The following ZNF366 variants were observed in gnomAD, a reference collection of about 807,000 sequenced individuals.
ZNF366 encodes dendritic cell-specific transcript protein.
A neutral mutation model predicts 47.2 loss-of-function variants in ZNF366; 20 were observed. That is an observed-to-expected ratio of 0.42 (90% CI 0.30 to 0.62). The LOEUF (loss-of-function observed/expected upper bound fraction) is 0.62. ZNF366 is among the 20% of genes least tolerant of loss of function. The pLI, the probability that ZNF366 is intolerant of heterozygous loss-of-function variation, is 0.16. For synonymous variants in ZNF366, 421 were observed against 395.1 expected, an observed-to-expected ratio of 1.07 and a Z score of -0.78; for missense variants, 987 against 976.3, an observed-to-expected ratio of 1.01 and a Z score of -0.15.
At chr5:72,447,151 A>G in intron 4 of ZNF366, 92 bp downstream of exon 4, 1 of 1,435,496 alleles carries the variant, frequency 7.0e-7, no homozygotes, top group Non-Finnish European at 9.6e-7. Context: ...CTTGACAAGA[A>G]TAACCCTCAA....
At chr5:72,477,862 A>G (rs899903177) in intron 1 of ZNF366, among the ~76,000 whole-genome samples, 2 of 152,104 alleles carry the variant, frequency 1.3e-5, no homozygotes, top group African/African-American at 4.8e-5. Flanking sequence ...GTTTTAATAA[A>G]ACTTTATTTA....
chr5:72,474,462 C>G (rs1743631227), intron 1 of ZNF366, among the ~76,000 whole-genome samples: 1 of 152,132 alleles, frequency 6.6e-6, no homozygotes, highest in South Asian at 2.1e-4. Flanking sequence ...ATATCTTGGA[C>G]AGGTTTGTAT....
intron 1 of ZNF366, among the ~76,000 whole-genome samples, chr5:72,462,336 T>C (rs535291841): frequency 6.6e-6 from 1 of 152,160 alleles, no homozygotes; most frequent in Non-Finnish European, 1.5e-5. Flanking sequence ...GGGTCTCTCC[T>C]TTCAGACAGG....
At chr5:72,444,623 ACAGT>A (rs1742925722) in intron 4 of ZNF366, among the ~76,000 whole-genome samples, 1 of 151,130 alleles carries the variant, frequency 6.6e-6, no homozygotes, top group Non-Finnish European at 1.5e-5. Flanking sequence ...TTTTTTTATC[ACAGT>A]CAAACAATGA....
At chr5:72,480,931 C>T (rs190944554) in intron 1 of ZNF366, among the ~76,000 whole-genome samples, 2 of 152,270 alleles carry the variant, frequency 1.3e-5, no homozygotes, top group East Asian at 3.9e-4. Flanking sequence ...TTAAGAGCCC[C>T]TGTATATCGT....
At chr5:72,494,340 A>C (rs1438646818) in intron 1 of ZNF366, 1 of 152,210 alleles carries the variant, frequency 6.6e-6, no homozygotes, top group East Asian at 1.9e-4. Context: ...AGTATCTGAG[A>C]GAATTAATGT....
chr5:72,461,599 A>G (rs1743315029), intron 1 of ZNF366, 89 bp from the exon 2 acceptor site: 1 of 1,473,192 alleles, frequency 6.8e-7, no homozygotes, highest in South Asian at 1.4e-5. Flanking sequence ...TATCAGTACT[A>G]ATTTATGAAG....
chr5:72,466,751 C>T (rs141378538), intron 1 of ZNF366, among the ~76,000 whole-genome samples: 168 of 152,288 alleles, frequency 1.1e-3, no homozygotes, highest in African/African-American at 3.9e-3. Context: ...CGATATTTCC[C>T]TAATGAAATC....
At chr5:72,488,564 A>G (rs1227883242) in intron 1 of ZNF366, among the ~76,000 whole-genome samples, 1 of 152,250 alleles carries the variant, frequency 6.6e-6, no homozygotes, top group Non-Finnish European at 1.5e-5. Flanking sequence ...GTTCAAAGAT[A>G]CCGCTTCTTT....
chr5:72,490,995 T>A (rs913467866), intron 1 of ZNF366, among the ~76,000 whole-genome samples: 1 of 152,184 alleles, frequency 6.6e-6, no homozygotes, highest in Non-Finnish European at 1.5e-5. Context: ...GGACTCTGAG[T>A]CCGAAGAAGA....
At chr5:72,480,270 G>C (rs1743765996) in intron 1 of ZNF366, among the ~76,000 whole-genome samples, 1 of 152,224 alleles carries the variant, frequency 6.6e-6, no homozygotes, top group African/African-American at 2.4e-5. Flanking sequence ...GGCCTATTCT[G>C]AGAGACTGGA....
chr5:72,498,202 T>A (rs1333802417), intron 1 of ZNF366, among the ~76,000 whole-genome samples: 1 of 152,228 alleles, frequency 6.6e-6, no homozygotes, highest in Non-Finnish European at 1.5e-5. Context: ...GTTCACAGTA[T>A]ATTTTTATTT....
intron 3 of ZNF366, among the ~76,000 whole-genome samples, chr5:72,455,166 G>A (rs1040769793): frequency 1.3e-5 from 2 of 152,312 alleles, no homozygotes; most frequent in African/African-American, 4.8e-5. Context: ...AAAAGGGCTG[G>A]AGGGAGAAGC....
At chr5:72,489,034 T>C (rs1743950987) in intron 1 of ZNF366, among the ~76,000 whole-genome samples, 1 of 152,202 alleles carries the variant, frequency 6.6e-6, no homozygotes, top group Non-Finnish European at 1.5e-5. Flanking sequence ...TGTGAGCACA[T>C]GAGCACAAAT....
At chr5:72,493,941 T>C (rs1315644912) in intron 1 of ZNF366, among the ~76,000 whole-genome samples, 1 of 145,282 alleles carries the variant, frequency 6.9e-6, no homozygotes, top group African/African-American at 2.6e-5. Context: ...TTTTTTTTTT[T>C]TTCATATTTT....
chr5:72,493,843 C>G (rs1744058950), intron 1 of ZNF366, among the ~76,000 whole-genome samples: 1 of 151,664 alleles, frequency 6.6e-6, no homozygotes. Flanking sequence ...CAACCTCTGC[C>G]TCCTGGGTTC....
chr5:72,474,706 C>T (rs1743638403), intron 1 of ZNF366, among the ~76,000 whole-genome samples: 1 of 151,822 alleles, frequency 6.6e-6, no homozygotes, highest in African/African-American at 2.4e-5. Context: ...TAAAGTAATC[C>T]AAGTTGCTTA....
rs555253213 is a variant in ZNF366, at chr5:72,444,101, G to C, written c.1890C>G (p.Pro630=). The C allele has an allele frequency of 6.2e-7, 1 of 1,614,074 alleles. No homozygotes were observed. Among genetic ancestry groups the C allele is most frequent in the East Asian group, 2.2e-5 (1 of 44,888 alleles). ...TCTGGGGGGCCAGGCCAGGGCTGTA[G>C]GGCTCCACCTCGTAGCAGTTATCCT... ...EEEDNCYEVE[P]YSPGLAPQSQ... Residue 630 remains proline (P), a synonymous_variant, in exon 5 of 5, where the codon CCC becomes CCG. Coordinates refer to ENST00000318442, the MANE Select transcript of ZNF366 (RefSeq NM_152625.3).
chr5:72,465,613 A>G (rs1743414238), intron 1 of ZNF366, among the ~76,000 whole-genome samples: 1 of 152,214 alleles, frequency 6.6e-6, no homozygotes, highest in South Asian at 2.1e-4. Flanking sequence ...AATCTGGTTA[A>G]GAGACCCAAA....
Sources: gnomAD v4.1 joint callset for allele counts (sites outside exome capture counted in the v4.1 genomes callset) on GRCh38, gnomAD v4.1.1 for gene constraint, MANE v1.5 for transcripts, NCBI Gene and HGNC (gene_info 2026-07-23, HGNC 2026-07-21) for gene names.